Variants in SENP6 observed in about 807,000 individuals in gnomAD.
The protein encoded by SENP6 is SUMO specific peptidase 6, also known as sentrin-specific protease 6.
In SENP6, 41 loss-of-function variants were observed where a neutral mutation model predicts 134.5. The observed-to-expected ratio is 0.30, with a 90% CI of 0.24 to 0.40. The LOEUF is 0.40. SENP6 is among the 10% of genes least tolerant of loss of function. The pLI is 1.00. For missense variants in SENP6, 1,248 were observed against 1,312.5 expected, an observed-to-expected ratio of 0.95 and a Z score of 0.76; for synonymous variants, 395 against 429.8, an observed-to-expected ratio of 0.92 and a Z score of 1.00.
chr6:75,678,716 C>T (rs1209406528), intron 15 of SENP6, 24 bp downstream of exon 15: 1 of 1,417,538 alleles, frequency 7.1e-7, no homozygotes, highest in Non-Finnish European at 9.9e-7. Flanking sequence ...TTTATATTTG[C>T]AATGATCTTA....
At position 75,652,709 on chromosome 6, in the gene SENP6, A is replaced by G. The variant is rs111653946; in HGVS notation, c.550+4908A>G. On this transcript the variant is annotated intron_variant, in intron 7 of 23. Transcript: ENST00000447266. Reference sequence around the variant, plus strand: ...AAAAAAAAAAAAAAAAAAAAGAAAAAGAAAAAAAATGCCTTGTGTAAAGAT... The same window carrying G: ...AAAAAAAAAAAAAAAAAAAAGAAAAGGAAAAAAAATGCCTTGTGTAAAGAT... Among the ~76,000 whole-genome samples, 99 of 150,236 alleles carry G rather than the reference A, an allele frequency of 6.6e-4. 1 individual carries two copies. Among genetic ancestry groups the G allele is most frequent in the African/African-American group, 2.3e-3 (96 of 41,136 alleles).
intron 7 of SENP6, among the ~76,000 whole-genome samples, chr6:75,649,526 G>A: frequency 6.6e-6 from 1 of 152,020 alleles, no homozygotes; most frequent in Non-Finnish European, 1.5e-5. Context: ...GTTTGTTGTT[G>A]TTGTTTTTTG....
intron 18 of SENP6, among the ~76,000 whole-genome samples, chr6:75,699,453 A>G (rs554503295): frequency 9.0e-6 from 1 of 111,158 alleles, no homozygotes; most frequent in East Asian, 2.7e-4. Context: ...TTTTGTTTTT[A>G]TTTTTTCTGG....
At chr6:75,628,152 CAGTT>C (rs1193298034) in intron 3 of SENP6, among the ~76,000 whole-genome samples, 7 of 152,124 alleles carry the variant, frequency 4.6e-5, no homozygotes, top group Non-Finnish European at 7.4e-5. Context: ...CATCTCTTAA[CAGTT>C]AGAAATTTTA....
At position 75,647,785 on chromosome 6, in the gene SENP6, T is replaced by G. The variant is rs769611177; in HGVS notation, c.534T>G (p.Ser178Arg). 1 of 1,612,966 alleles carries G rather than the reference T, an allele frequency of 6.2e-7. No individual in the cohort carries two copies. Among genetic ancestry groups the G allele is most frequent in the Non-Finnish European group, 8.5e-7 (1 of 1,179,234 alleles). ...TTGAAATTAATCCTGTAAGGTTAAG[T>G]CGGCTCCAAGGTGTTGGTAAGTGTG... The part of the protein sequence containing the change: ...QKVEINPVRL[S>R]RLQGVERIMK... Residue 178 changes from serine (S) to arginine (R), a missense_variant, in exon 7 of 24, where the codon AGT becomes AGG. Coordinates refer to ENST00000447266, the MANE Select transcript of SENP6 (RefSeq NM_015571.4).
In SENP6 at chr6:75,716,494, T is replaced by C. The variant is rs1471378317; in HGVS notation, c.*900T>C. On this transcript the variant is annotated 3_prime_UTR_variant, in exon 24 of 24. Coordinates refer to ENST00000447266, the MANE Select transcript of SENP6 (RefSeq NM_015571.4). ...GCTTTTGCTATTTTTTCATTGCTCA[T>C]TTTGTTCTTATTATTTTGATAAAGT... The C allele has an allele frequency of 1.3e-5, 2 of 152,044 alleles. No homozygotes were observed. The highest frequency in any genetic ancestry group is 2.4e-5 in the African/African-American group (1 of 41,456). 9.4% of individuals were successfully genotyped at this position (152,044 alleles called of 1,614,324 possible).
intron 16 of SENP6, among the ~76,000 whole-genome samples, chr6:75,688,411 A>T (rs997561909): frequency 6.6e-6 from 1 of 152,072 alleles, no homozygotes; most frequent in African/African-American, 2.4e-5. Flanking sequence ...CCCCTGTCCA[A>T]CCAGTCCCAA....
intron 21 of SENP6, among the ~76,000 whole-genome samples, chr6:75,712,904 A>G (rs1037136777): frequency 2.0e-5 from 3 of 152,146 alleles, no homozygotes; most frequent in African/African-American, 7.2e-5. Flanking sequence ...CAGGAGTTCT[A>G]TACCAGCCTG....
In SENP6 at chr6:75,663,239, A is replaced by G. The variant is rs745537228; in HGVS notation, c.715A>G (p.Arg239Gly). 3.1e-6 allele frequency: 5 copies of G among 1,609,716 alleles called. No homozygotes were observed. The Admixed American group carries it at 6.8e-5, about 22-fold the overall frequency. ...THLEDLQRNC[R>G]QAITLNESTG... The stretch of plus-strand genomic sequence containing the variant: ...TTCTAAGGATTTGCAAAGAAATTGC[A>G]GACAAGCTATTACTTTGAATGAGTC... Residue 239 changes from arginine (R) to glycine (G), a missense_variant, in exon 9 of 24, where the codon AGA becomes GGA. Physicochemically the swap from Arg to Gly is moderately radical, Grantham distance 125 (BLOSUM62 -2). Transcript: ENST00000447266.
intron 19 of SENP6, among the ~76,000 whole-genome samples, chr6:75,709,245 T>C (rs2842565): frequency 0.08 from 12,154 of 152,228 alleles, 1,081 homozygotes; most frequent in African/African-American, 0.22. Context: ...CATATACATA[T>C]GTATATGTAT....
At chr6:75,675,258 G>T (rs1772998089) in intron 11 of SENP6, among the ~76,000 whole-genome samples, 177 bp from the exon 12 acceptor site, 5 of 151,716 alleles carry the variant, frequency 3.3e-5, no homozygotes, top group Admixed American at 3.3e-4. Flanking sequence ...CAGTTTAACA[G>T]TTAGTGGGTT....
intron 1 of SENP6, chr6:75,611,607 A>T (rs369296130): frequency 1.3e-5 from 2 of 152,230 alleles, no homozygotes; most frequent in East Asian, 3.8e-4. Context: ...CATAAGGAAC[A>T]TTTGGAACTA....
chr6:75,658,488 C>G (rs1311491302), intron 7 of SENP6, among the ~76,000 whole-genome samples: 1 of 151,986 alleles, frequency 6.6e-6, no homozygotes, highest in East Asian at 1.9e-4. Context: ...TGTTTGGCCT[C>G]TTGGATACTT....
chr6:75,602,415 G>C lies in SENP6; in HGVS notation c.-110G>C, dbSNP rs1766692766. On this transcript the variant is annotated 5_prime_UTR_variant, in exon 1 of 24. Transcript: ENST00000447266. ...CAGCCCGCCTGACGGCTGAGCCCGA[G>C]GCCCGCAACCCTGCGGCGTCTACCC... 3 of 1,297,586 alleles carry C rather than the reference G, an allele frequency of 2.3e-6. No homozygotes were observed. The highest frequency in any genetic ancestry group is 1.5e-5 in the African/African-American group (1 of 67,994). 80.4% of individuals were successfully genotyped at this position (1,297,586 alleles called of 1,614,324 possible). A position where few individuals can be genotyped will look rare whatever the true frequency, so the allele number is the denominator to read the frequency against.
intron 7 of SENP6, among the ~76,000 whole-genome samples, chr6:75,650,833 C>T (rs1053094113): frequency 5.9e-5 from 9 of 152,188 alleles, no homozygotes; most frequent in Admixed American, 4.6e-4. Context: ...AGATTTCAAA[C>T]CACAAGATCA....
intron 1 of SENP6, among the ~76,000 whole-genome samples, chr6:75,612,479 G>T (rs901312103): frequency 6.6e-6 from 1 of 152,212 alleles, no homozygotes. Context: ...CTACAGGCTT[G>T]TGCCACCACA....
intron 1 of SENP6, among the ~76,000 whole-genome samples, chr6:75,618,879 T>C (rs56343691): frequency 0.24 from 37,102 of 152,076 alleles, 5,913 homozygotes; most frequent in Non-Finnish European, 0.37. Context: ...GGAAGTTTCA[T>C]GTATACTGAT....
At chr6:75,676,122 C>A in intron 13 of SENP6, 68 bp downstream of exon 13, 1 of 1,103,006 alleles carries the variant, frequency 9.1e-7, no homozygotes, top group Non-Finnish European at 1.2e-6. Flanking sequence ...TGTTAAATAG[C>A]AAAATGTGAG....
At chr6:75,617,466 T>C (rs180850767) in intron 1 of SENP6, among the ~76,000 whole-genome samples, 167 of 151,866 alleles carry the variant, frequency 1.1e-3, no homozygotes, top group African/African-American at 3.8e-3. Flanking sequence ...GAGACAGGGT[T>C]TCTCCACGTT....
Sources: allele counts gnomAD v4.1 joint callset (sites outside exome capture counted in the v4.1 genomes callset), GRCh38; gene constraint gnomAD v4.1.1; transcripts MANE v1.5; gene names NCBI Gene and HGNC (gene_info 2026-07-23, HGNC 2026-07-21).